RABGAP1: variants seen among roughly 807,000 people sequenced by gnomAD.
RABGAP1 encodes the protein RAB GTPase activating protein 1.
RABGAP1 carries 23 observed loss-of-function variants against 137.6 expected under a neutral mutation model. The ratio of observed to expected loss-of-function variants is 0.17; its 90% CI spans 0.12 to 0.24. The LOEUF is 0.24. Ranked by LOEUF, RABGAP1 falls within the 10% of genes least tolerant of loss-of-function variation. RABGAP1 has a pLI of 1.00. For missense variants in RABGAP1, 906 were observed against 1,275.8 expected (o/e 0.71, Z 4.42); for synonymous variants, 451 against 450.7 (o/e 1.00, Z -0.01).
intron 13 of RABGAP1, among the ~76,000 whole-genome samples, chr9:123,051,214 T>G (rs2033443498): frequency 8.2e-6 from 1 of 121,300 alleles, no homozygotes; most frequent in East Asian, 3.2e-4. Flanking sequence ...TTATTCACCT[T>G]GGTTTTTTTT....
At chr9:123,037,151 A>G (rs996263388) in intron 13 of RABGAP1, among the ~76,000 whole-genome samples, 1 of 152,276 alleles carries the variant, frequency 6.6e-6, no homozygotes. Context: ...CCCAGGGGAC[A>G]TGGGTTAAAG....
chr9:123,025,118 G>A (rs1183132275), intron 13 of RABGAP1, among the ~76,000 whole-genome samples: 2 of 152,078 alleles, frequency 1.3e-5, no homozygotes, highest in African/African-American at 4.8e-5. Flanking sequence ...AAAGCAGTTC[G>A]ATTTTACTTT....
At chr9:122,965,644 A>G (rs1365833314) in intron 2 of RABGAP1, among the ~76,000 whole-genome samples, 1 of 152,196 alleles carries the variant, frequency 6.6e-6, no homozygotes, top group Non-Finnish European at 1.5e-5. Flanking sequence ...TCGGCCTCCC[A>G]AAGTGCTAGG....
chr9:122,934,365 A>C, the RABGAP1 span, among the ~76,000 whole-genome samples: 1 of 152,196 alleles, frequency 6.6e-6, no homozygotes, highest in African/African-American at 2.4e-5. Flanking sequence ...GGCGTGAGCC[A>C]CCACGCCCGG....
At chr9:122,996,472 T>G in intron 7 of RABGAP1, 67 bp from the exon 8 acceptor site, 1 of 1,426,008 alleles carries the variant, frequency 7.0e-7, no homozygotes, top group East Asian at 2.3e-5. Flanking sequence ...GTTTTTAAAG[T>G]GGCCTAATTT....
At chr9:122,970,298 A>G (rs192978015) in intron 2 of RABGAP1, among the ~76,000 whole-genome samples, 1 of 152,146 alleles carries the variant, frequency 6.6e-6, no homozygotes, top group Admixed American at 6.6e-5. Context: ...GTTGGGTGTG[A>G]TAGTGTGTAC....
intron 2 of RABGAP1, among the ~76,000 whole-genome samples, chr9:122,972,581 C>T (rs1265121587): frequency 1.3e-5 from 2 of 152,128 alleles, no homozygotes; most frequent in Non-Finnish European, 2.9e-5. Flanking sequence ...AGTCACAAGT[C>T]CAGTTCTTAT....
At chr9:122,954,918 A>C (rs1006667993) in intron 1 of RABGAP1, among the ~76,000 whole-genome samples, 3 of 152,212 alleles carry the variant, frequency 2.0e-5, no homozygotes. Context: ...TAGAGATGTG[A>C]CAAATTAAAA....
At chr9:123,039,476 T>G (rs2032846111) in intron 13 of RABGAP1, among the ~76,000 whole-genome samples, 1 of 152,180 alleles carries the variant, frequency 6.6e-6, no homozygotes, top group African/African-American at 2.4e-5. Context: ...GCCTTCTCCC[T>G]TCTGTAAGGT....
At chr9:123,035,806 G>C (rs1425423784) in intron 13 of RABGAP1, 6 of 501,342 alleles carry the variant, frequency 1.2e-5, no homozygotes, top group Non-Finnish European at 2.1e-5. Flanking sequence ...GTTTTCAAAA[G>C]TGCTTGTGAA....
chr9:122,937,544 T>G (rs910708354), upstream of RABGAP1: 2 of 151,946 alleles, frequency 1.3e-5, no homozygotes, highest in African/African-American at 4.8e-5. Flanking sequence ...TTGCAGTGAG[T>G]TGAGTTCCTG....
rs114007550 is a variant in RABGAP1 at position 123,027,690 on chromosome 9, C to T, written c.1794+7231C>T. ...GCCTGGGTACTAGTTTCAGTTCTGCCGCTTCATTTCCTCTTCTCTGAACTG... is the reference window on the plus strand; with the variant it reads ...GCCTGGGTACTAGTTTCAGTTCTGCTGCTTCATTTCCTCTTCTCTGAACTG... On this transcript the variant is annotated intron_variant, in intron 13 of 25. Transcript: ENST00000373647. Among the ~76,000 whole-genome samples, 1,342 of 152,254 alleles carry T rather than the reference C, an allele frequency of 8.8e-3. 15 individuals carry two copies. The highest frequency in any genetic ancestry group is 0.031 in the African/African-American group (1,268 of 41,534).
At chr9:122,951,871 C>T (rs1331047664) in intron 1 of RABGAP1, among the ~76,000 whole-genome samples, 1 of 152,156 alleles carries the variant, frequency 6.6e-6, no homozygotes, top group Non-Finnish European at 1.5e-5. Flanking sequence ...CTGCTCCTGG[C>T]TAATTGTGAA....
chr9:123,039,448 T>C (rs745811313), intron 13 of RABGAP1, among the ~76,000 whole-genome samples: 7 of 152,178 alleles, frequency 4.6e-5, no homozygotes, highest in Non-Finnish European at 7.4e-5. Context: ...TCTGTAATTA[T>C]TGCATGTAGT....
Position 123,078,342 on chromosome 9 carries a change from A to G in RABGAP1, c.2424+1580A>G, listed in dbSNP as rs1001860187. Among the ~76,000 whole-genome samples the G allele has an allele frequency of 3.3e-5, 5 of 152,306 alleles. No individual in the cohort carries two copies. In the East Asian group the frequency reaches 9.6e-4, roughly 29 times the overall value. The stretch of plus-strand genomic sequence containing the variant: ...ACATACTTCATAGGTATTACGGCTA[A>G]CAGTTAATGATAGTTTACCATGTGC... On this transcript the variant is annotated intron_variant, in intron 19 of 25. Transcript: ENST00000373647.
chr9:123,020,503 AT>A (rs770372556), intron 13 of RABGAP1, 44 bp downstream of exon 13: 2 of 1,431,970 alleles, frequency 1.4e-6, no homozygotes, highest in Non-Finnish European at 1.9e-6. Flanking sequence ...CCTTTTAGAG[AT>A]TTGTGATGAA....
chr9:122,999,980 A>G (rs1044258771), intron 10 of RABGAP1, among the ~76,000 whole-genome samples: 1 of 151,680 alleles, frequency 6.6e-6, no homozygotes, highest in East Asian at 1.9e-4. Flanking sequence ...AACATTTTCT[A>G]TATTTTTTGT....
intron 15 of RABGAP1, among the ~76,000 whole-genome samples, chr9:123,071,765 G>A (rs1208220814): frequency 1.3e-5 from 2 of 152,144 alleles, no homozygotes; most frequent in African/African-American, 4.8e-5. Flanking sequence ...TTTTCAAAAT[G>A]TTGTTATGAA....
At chr9:123,043,583 C>T (rs1339765630) in intron 13 of RABGAP1, among the ~76,000 whole-genome samples, 1 of 150,750 alleles carries the variant, frequency 6.6e-6, no homozygotes, top group African/African-American at 2.5e-5. Context: ...TGGTGTTTAG[C>T]CAAAAATGAT....
Sources: gnomAD v4.1 joint callset for allele counts (sites outside exome capture counted in the v4.1 genomes callset) on GRCh38, gnomAD v4.1.1 for gene constraint, MANE v1.5 for transcripts, NCBI Gene and HGNC (gene_info 2026-07-23, HGNC 2026-07-21) for gene names.